The following UBR3 variants were observed in gnomAD, a reference collection of about 807,000 sequenced individuals.
The protein encoded by UBR3 is ubiquitin protein ligase E3 component n-recognin 3.
UBR3 carries 85 observed loss-of-function variants against 243.2 expected under a neutral mutation model. The ratio of observed to expected loss-of-function variants is 0.35; its 90% confidence interval spans 0.29 to 0.42. The LOEUF is 0.42. Among genes scored for constraint, UBR3 ranks in the 10% least tolerant of loss-of-function variants. The probability of loss-of-function intolerance (pLI) is 1.00; values close to 1 mark genes in which losing one functional copy is unlikely to be tolerated. For synonymous variants in UBR3, 748 were observed against 799.8 expected (o/e 0.94, Z 1.09); for missense variants, 1,686 against 2,300.8 (o/e 0.73, Z 5.47).
rs1408760156 is a variant in UBR3, at chr2:170,007,126, A to G, written c.4166A>G (p.Asn1389Ser). Reference protein sequence around the residue: ...VENNPWQRPSNKSIQDLIKEV... With the variant: ...VENNPWQRPSSKSIQDLIKEV... The stretch of plus-strand genomic sequence containing the variant: ...AATAACCCTTGGCAACGTCCTAGCA[A>G]CAAAAGCATACAAGATCTCATAAAG... Residue 1389 changes from asparagine (N) to serine (S), a missense_variant, in exon 28 of 39, where the codon AAC becomes AGC. By Grantham distance (46) the Asn-to-Ser change is conservative. Coordinates refer to ENST00000272793, the MANE Select transcript of UBR3 (RefSeq NM_172070.4). 6.2e-7 allele frequency: 1 copy of G among 1,613,368 alleles called. No individual in the cohort carries two copies. Among genetic ancestry groups the G allele is most frequent in the Admixed American group, 1.7e-5 (1 of 59,938 alleles).
intron 8 of UBR3, among the ~76,000 whole-genome samples, chr2:169,899,721 A>C (rs1023783323): frequency 1.3e-5 from 2 of 151,552 alleles, no homozygotes; most frequent in Admixed American, 6.6e-5. Context: ...TCATTGTTCA[A>C]CTCCCACTTA....
At chr2:170,078,220 TC>T (rs755961127) in intron 36 of UBR3, 1 of 487,940 alleles carries the variant, frequency 2.0e-6, no homozygotes, top group Non-Finnish European at 3.9e-6. Flanking sequence ...TTTCCTTCTT[TC>T]CCTTTTTCTC....
chr2:169,961,463 A>G (rs777367823), intron 24 of UBR3, among the ~76,000 whole-genome samples: 13 of 152,160 alleles, frequency 8.5e-5, no homozygotes, highest in Non-Finnish European at 1.8e-4. Flanking sequence ...GACTATAGGC[A>G]TGCACTGCCA....
chr2:170,025,934 A>G (rs2090517292), intron 30 of UBR3, among the ~76,000 whole-genome samples: 1 of 152,178 alleles, frequency 6.6e-6, no homozygotes, highest in Admixed American at 6.6e-5. Flanking sequence ...TGGGCTGTAT[A>G]ATCAGGTTAG....
At chr2:170,001,938 A>AAAAAAAAG (rs1559175182) in intron 27 of UBR3, among the ~76,000 whole-genome samples, 2 of 130,046 alleles carry the variant, frequency 1.5e-5, no homozygotes, top group African/African-American at 6.7e-5. Flanking sequence ...AAAAAAAAAA[A>AAAAAAAAG]AAAAGAAAGA....
chr2:169,999,866 G>A (rs2089630420), intron 26 of UBR3, among the ~76,000 whole-genome samples: 2 of 152,192 alleles, frequency 1.3e-5, no homozygotes, highest in Admixed American at 6.5e-5. Context: ...GCTCATGCCT[G>A]TAATCCCAGC....
chr2:169,938,231 A>G (rs2086421598), intron 19 of UBR3, among the ~76,000 whole-genome samples: 1 of 150,414 alleles, frequency 6.6e-6, no homozygotes, highest in Non-Finnish European at 1.5e-5. Context: ...TATTCTGAAT[A>G]CTAGACTTAT....
At chr2:170,000,588 G>A (rs2089660645) in intron 26 of UBR3, among the ~76,000 whole-genome samples, 2 of 152,214 alleles carry the variant, frequency 1.3e-5, no homozygotes, top group South Asian at 4.1e-4. Flanking sequence ...GATGATTCAT[G>A]GAGAAGATAA....
chr2:169,860,917 C>T (rs2083065180), intron 1 of UBR3, among the ~76,000 whole-genome samples: 1 of 152,192 alleles, frequency 6.6e-6, no homozygotes, highest in South Asian at 2.1e-4. Flanking sequence ...AGCACTCAGT[C>T]TGTGGCCACA....
At chr2:169,829,935 G>A (rs892363045) in intron 1 of UBR3, among the ~76,000 whole-genome samples, 1 of 151,570 alleles carries the variant, frequency 6.6e-6, no homozygotes, top group African/African-American at 2.4e-5. Flanking sequence ...AAGCAAAGAT[G>A]TTTCCTAGTT....
intron 30 of UBR3, among the ~76,000 whole-genome samples, chr2:170,020,159 C>CT (rs1353182670): frequency 5.9e-5 from 9 of 152,036 alleles, no homozygotes; most frequent in African/African-American, 2.2e-4. Context: ...TTATGAAGGC[C>CT]TTTTTCAAAT....
At chr2:170,069,401 T>C (rs562106208) in intron 35 of UBR3, among the ~76,000 whole-genome samples, 6 of 152,210 alleles carry the variant, frequency 3.9e-5, no homozygotes, top group Middle Eastern at 6.8e-3. Context: ...ATGACCACAA[T>C]CAGGCTAATT....
rs776773083 is a variant in UBR3, at chr2:170,001,306, T to C, written c.3921T>C (p.Ser1307=). The change falls in exon 27 of 39, where the codon AGT becomes AGC. Residue 1307 remains serine, a splice_region_variant and synonymous_variant. Transcript: ENST00000272793. The stretch of plus-strand genomic sequence containing the variant: ...TTTGTCTTCTTTTTATTTTGAAGAG[T>C]TCATGTCTCTTGGCAGTATCAATTG... ...LSLLQRYFKD[S]SCLLAVSIGW... The C allele has an allele frequency of 6.2e-7, 1 of 1,606,074 alleles. No individual in the cohort carries two copies. Among genetic ancestry groups the C allele is most frequent in the Admixed American group, 1.7e-5 (1 of 59,930 alleles).
chr2:170,060,423 T>C (rs2091433986), intron 33 of UBR3, among the ~76,000 whole-genome samples: 1 of 152,090 alleles, frequency 6.6e-6, no homozygotes. Context: ...ATTGTCCTAT[T>C]TTATTTTTAT....
chr2:169,949,501 A>G, intron 22 of UBR3, 104 bp from the exon 23 acceptor site: 11 of 1,052,440 alleles, frequency 1.0e-5, no homozygotes, highest in Non-Finnish European at 1.5e-5. Flanking sequence ...AAATCTTTGT[A>G]TGAAACTGAG....
intron 24 of UBR3, among the ~76,000 whole-genome samples, chr2:169,966,802 A>G (rs911587334): frequency 6.6e-6 from 1 of 152,218 alleles, no homozygotes; most frequent in African/African-American, 2.4e-5. Context: ...TAAGCATTAT[A>G]TAAACGTTGG....
intron 24 of UBR3, among the ~76,000 whole-genome samples, chr2:169,974,240 T>C (rs1473138699): frequency 6.6e-6 from 1 of 152,168 alleles, no homozygotes; most frequent in Admixed American, 6.5e-5. Flanking sequence ...TTGAGAAGAA[T>C]TGGTACTGGT....
chr2:169,976,899 C>CT (rs1417789881), intron 24 of UBR3, among the ~76,000 whole-genome samples: 1 of 152,022 alleles, frequency 6.6e-6, no homozygotes, highest in Non-Finnish European at 1.5e-5. Context: ...ATCTTATAGG[C>CT]TTTTTTCACT....
At chr2:169,850,985 AC>A (rs1450351229) in intron 1 of UBR3, among the ~76,000 whole-genome samples, 4 of 152,216 alleles carry the variant, frequency 2.6e-5, no homozygotes, top group African/African-American at 9.6e-5. Flanking sequence ...CTGCTTTTCT[AC>A]TTTTAACTTA....
Sources: allele counts gnomAD v4.1 joint callset (sites outside exome capture counted in the v4.1 genomes callset), GRCh38; gene constraint gnomAD v4.1.1; transcripts MANE v1.5; gene names NCBI Gene and HGNC (gene_info 2026-07-23, HGNC 2026-07-21).